Variants in RPS6KC1 observed in about 807,000 individuals in gnomAD.
The protein encoded by RPS6KC1 is ribosomal protein S6 kinase C1.
Under a neutral mutation model 103.8 loss-of-function variants are expected in RPS6KC1, and 54 were observed. That is an observed-to-expected ratio of 0.52 (90% CI 0.42 to 0.65). RPS6KC1 has a LOEUF of 0.65. Ranked by LOEUF, RPS6KC1 falls within the 30% of genes least tolerant of loss-of-function variation. RPS6KC1 has a pLI of 0.00. For synonymous variants in RPS6KC1, 439 were observed against 438.7 expected, an observed-to-expected ratio of 1.00 and a Z score of -0.01; for missense variants, 1,151 against 1,253.8, an observed-to-expected ratio of 0.92 and a Z score of 1.24.
chr1:213,410,707 G>C, the RPS6KC1 span, among the ~76,000 whole-genome samples: 4 of 152,170 alleles, frequency 2.6e-5, no homozygotes, highest in African/African-American at 9.7e-5. Context: ...ACAGAGAATG[G>C]TGAGGAAGTG....
At chr1:213,525,234 G>C in the RPS6KC1 span, among the ~76,000 whole-genome samples, 9 of 152,226 alleles carry the variant, frequency 5.9e-5, no homozygotes, top group South Asian at 2.1e-4. Context: ...TTGGATTCTG[G>C]GTATGTTTTG....
chr1:213,590,674 G>A, the RPS6KC1 span, among the ~76,000 whole-genome samples: 1 of 152,110 alleles, frequency 6.6e-6, no homozygotes, highest in Non-Finnish European at 1.5e-5. Context: ...TAGAAAGGAG[G>A]TCATGACCAT....
the RPS6KC1 span, among the ~76,000 whole-genome samples, chr1:213,379,987 G>A: frequency 9.9e-5 from 15 of 152,048 alleles, no homozygotes; most frequent in Admixed American, 7.2e-4. Context: ...ATACACCCAA[G>A]GAATATAAAT....
At chr1:213,077,431 G>C (rs1323242813) in intron 2 of RPS6KC1, among the ~76,000 whole-genome samples, 1 of 152,090 alleles carries the variant, frequency 6.6e-6, no homozygotes, top group African/African-American at 2.4e-5. Context: ...AACCAAAACA[G>C]AATAGTTTGA....
the RPS6KC1 span, among the ~76,000 whole-genome samples, chr1:213,683,879 C>T: frequency 6.6e-6 from 1 of 152,160 alleles, no homozygotes; most frequent in African/African-American, 2.4e-5. Flanking sequence ...TGGCTCTGCA[C>T]TGGGAAGTCC....
chr1:213,418,132 G>T, the RPS6KC1 span, among the ~76,000 whole-genome samples: 1 of 152,190 alleles, frequency 6.6e-6, no homozygotes, highest in African/African-American at 2.4e-5. Context: ...GACCTTGAGT[G>T]AATGAGCAGT....
chr1:213,619,536 T>C, the RPS6KC1 span, among the ~76,000 whole-genome samples: 532 of 152,320 alleles, frequency 3.5e-3, 2 homozygotes, highest in African/African-American at 0.012. Flanking sequence ...TGTGGGTTTT[T>C]AGATAGGTAG....
At chr1:213,716,636 G>C in the RPS6KC1 span, among the ~76,000 whole-genome samples, 1 of 151,996 alleles carries the variant, frequency 6.6e-6, no homozygotes, top group African/African-American at 2.4e-5. Flanking sequence ...CACTTCTACA[G>C]CTCATAATTT....
chr1:213,238,366 T>G (rs1279285768), intron 10 of RPS6KC1, among the ~76,000 whole-genome samples: 1 of 152,164 alleles, frequency 6.6e-6, no homozygotes, highest in Non-Finnish European at 1.5e-5. Flanking sequence ...CCATTATGAA[T>G]TCTTTGTTGA....
chr1:213,740,014 G>C, the RPS6KC1 span, among the ~76,000 whole-genome samples: 1 of 152,110 alleles, frequency 6.6e-6, no homozygotes, highest in Admixed American at 6.5e-5. Context: ...GAGAAAACCA[G>C]AGGTAAGTTT....
At chr1:213,067,302 C>T (rs967845697) in intron 1 of RPS6KC1, among the ~76,000 whole-genome samples, 1 of 152,148 alleles carries the variant, frequency 6.6e-6, no homozygotes, top group Non-Finnish European at 1.5e-5. Flanking sequence ...TCGGGGTTCA[C>T]AATATTAATA....
chr1:213,496,138 T>G, the RPS6KC1 span, among the ~76,000 whole-genome samples: 1 of 147,572 alleles, frequency 6.8e-6, no homozygotes, highest in Admixed American at 6.7e-5. Flanking sequence ...GAGAAGTAAA[T>G]GTGAAATATA....
the RPS6KC1 span, among the ~76,000 whole-genome samples, chr1:213,375,353 A>G: frequency 7.3e-3 from 1,108 of 152,294 alleles, 12 homozygotes; most frequent in African/African-American, 0.026. Context: ...ATATACACAC[A>G]TATTTAATAA....
At chr1:213,069,574 T>G (rs1416202842) in intron 1 of RPS6KC1, among the ~76,000 whole-genome samples, 1 of 152,346 alleles carries the variant, frequency 6.6e-6, no homozygotes, top group South Asian at 2.1e-4. Context: ...TGTTGCTGAA[T>G]GGATTATAAT....
chr1:213,637,181 A>C, the RPS6KC1 span, among the ~76,000 whole-genome samples: 1 of 152,202 alleles, frequency 6.6e-6, no homozygotes, highest in East Asian at 1.9e-4. Context: ...AAACTAGTTC[A>C]ACCATTGTGG....
chr1:213,746,889 T>A, the RPS6KC1 span, among the ~76,000 whole-genome samples: 1 of 152,098 alleles, frequency 6.6e-6, no homozygotes, highest in Non-Finnish European at 1.5e-5. Context: ...TTAGGGAAGA[T>A]CTTGAGTTGA....
At chr1:213,798,952 C>G in the RPS6KC1 span, among the ~76,000 whole-genome samples, 1 of 152,302 alleles carries the variant, frequency 6.6e-6, no homozygotes, top group East Asian at 1.9e-4. Context: ...ATGGCTGGAG[C>G]ATATTGGTCC....
chr1:213,800,111 G>A, the RPS6KC1 span, among the ~76,000 whole-genome samples: 5 of 152,100 alleles, frequency 3.3e-5, no homozygotes, highest in Non-Finnish European at 5.9e-5. Context: ...CCCCAAATCC[G>A]AATACCGTCA....
chr1:213,203,972 T>C (rs568031694), intron 8 of RPS6KC1, among the ~76,000 whole-genome samples: 1 of 152,372 alleles, frequency 6.6e-6, no homozygotes, highest in East Asian at 1.9e-4. Context: ...GTGTGTCTGC[T>C]GGAAGCTCCT....
Sources: gnomAD v4.1 joint callset for allele counts (sites outside exome capture counted in the v4.1 genomes callset) on GRCh38, gnomAD v4.1.1 for gene constraint, MANE v1.5 for transcripts, NCBI Gene and HGNC (gene_info 2026-07-23, HGNC 2026-07-21) for gene names.